KAT2B: variants seen among roughly 807,000 people sequenced by gnomAD.
KAT2B encodes histone acetyltransferase KAT2B.
In KAT2B, 36 loss-of-function variants were observed where a neutral mutation model predicts 105.9. The ratio of observed to expected loss-of-function variants is 0.34; its 90% CI spans 0.26 to 0.45. The LOEUF is 0.45. Among genes scored for constraint, KAT2B ranks in the 20% least tolerant of loss-of-function variants. The pLI is 1.00. For missense variants in KAT2B, 820 were observed against 1,021.6 expected (o/e 0.80, Z 2.69); for synonymous variants, 397 against 377.9 (o/e 1.05, Z -0.59).
At chr3:20,151,614 A>G (rs146376210) in intron 17 of KAT2B, among the ~76,000 whole-genome samples, 1 of 152,312 alleles carries the variant, frequency 6.6e-6, no homozygotes, top group African/African-American at 2.4e-5. Context: ...AGGATTGAAG[A>G]AACCCTACTT....
intron 1 of KAT2B, among the ~76,000 whole-genome samples, chr3:20,067,316 C>G (rs1240928017): frequency 6.6e-6 from 1 of 151,926 alleles, no homozygotes; most frequent in Non-Finnish European, 1.5e-5. Context: ...GGTTAATATT[C>G]AAGATGTAAC....
chr3:20,102,536 C>G (rs1698929049), intron 5 of KAT2B, among the ~76,000 whole-genome samples: 1 of 152,138 alleles, frequency 6.6e-6, no homozygotes, highest in South Asian at 2.1e-4. Context: ...CACAATTTAC[C>G]TAACCATTTC....
chr3:20,148,327 C>A (rs1699813177), intron 16 of KAT2B, 21 bp downstream of exon 16: 1 of 1,611,656 alleles, frequency 6.2e-7, no homozygotes, highest in Non-Finnish European at 8.5e-7. Flanking sequence ...TCTTTATTCA[C>A]CTCATGCAAA....
chr3:20,067,597 G>A (rs542285881), intron 1 of KAT2B, among the ~76,000 whole-genome samples: 164 of 152,178 alleles, frequency 1.1e-3, no homozygotes, highest in Non-Finnish European at 2.1e-3. Flanking sequence ...TGCATCTCAG[G>A]GCAAGGCAGA....
At chr3:20,073,121 A>T (rs60355368) in intron 2 of KAT2B, among the ~76,000 whole-genome samples, 9,105 of 152,208 alleles carry the variant, frequency 0.06, 312 homozygotes, top group Non-Finnish European at 0.076. Context: ...TAAAATATTT[A>T]AAAAAATCAT....
chr3:20,102,008 T>C (rs574326163), intron 5 of KAT2B, among the ~76,000 whole-genome samples: 26 of 152,218 alleles, frequency 1.7e-4, no homozygotes, highest in African/African-American at 6.3e-4. Context: ...GCAATGACCA[T>C]ATAATGAAGT....
intron 12 of KAT2B, among the ~76,000 whole-genome samples, chr3:20,139,408 C>T (rs1380530460): frequency 6.6e-6 from 1 of 152,116 alleles, no homozygotes; most frequent in Admixed American, 6.6e-5. Flanking sequence ...TCAGCTGTAA[C>T]TGTAGTGCAA....
In KAT2B at chr3:20,072,553, G is replaced by T. The variant is rs1243341707; in HGVS notation, c.430+94G>T. 6 of 1,157,282 alleles carry T rather than the reference G, an allele frequency of 5.2e-6. No individual in the cohort carries two copies. In the Admixed American group the frequency reaches 8.7e-5, roughly 17 times the overall value. 71.7% of individuals were successfully genotyped at this position (1,157,282 alleles called of 1,614,324 possible). A position where few individuals can be genotyped will look rare whatever the true frequency, so the allele number is the denominator to read the frequency against. On this transcript the variant is annotated intron_variant, in intron 2 of 17. Coordinates refer to ENST00000263754, the MANE Select transcript of KAT2B (RefSeq NM_003884.5). ...TTCTGTGGGTTCACCAAATTTGAAT[G>T]CTGTGTACCTCTGTATGAGAGCAAC...
chr3:20,110,860 C>A (rs950445980), intron 5 of KAT2B, among the ~76,000 whole-genome samples: 32 of 152,068 alleles, frequency 2.1e-4, no homozygotes, highest in Non-Finnish European at 5.9e-5. Context: ...GGGTCCTCCT[C>A]CAGCGTCGTG....
intron 4 of KAT2B, 189 bp from the exon 5 acceptor site, chr3:20,101,098 T>C (rs1486688095): frequency 1.8e-6 from 1 of 558,878 alleles, no homozygotes; most frequent in Admixed American, 3.2e-5. Context: ...TCACTTTTCA[T>C]CCACCGTGAT....
At chr3:20,095,207 G>T in intron 2 of KAT2B, 56 bp from the exon 3 acceptor site, 1 of 1,439,736 alleles carries the variant, frequency 6.9e-7, no homozygotes, top group Admixed American at 1.9e-5. Context: ...TTAAAAATGG[G>T]GAATGTTTGG....
At chr3:20,135,388 C>G (rs1391725551) in intron 11 of KAT2B, among the ~76,000 whole-genome samples, 1 of 152,114 alleles carries the variant, frequency 6.6e-6, no homozygotes, top group African/African-American at 2.4e-5. Flanking sequence ...GGCGCGGTGG[C>G]TCACGCCTGT....
intron 11 of KAT2B, among the ~76,000 whole-genome samples, chr3:20,129,007 C>G (rs1413250427): frequency 1.7e-5 from 1 of 57,284 alleles, no homozygotes; most frequent in Non-Finnish European, 3.0e-5. Context: ...AACTCCATCT[C>G]AAAAAAAAAA....
intron 1 of KAT2B, 60 bp downstream of exon 1, chr3:20,040,840 C>G: frequency 6.8e-7 from 1 of 1,478,940 alleles, no homozygotes; most frequent in Non-Finnish European, 8.9e-7. Context: ...CGCGGGACCC[C>G]CCTCCCCCTC....
chr3:20,084,237 C>T lies in KAT2B; in HGVS notation c.431-11026C>T, dbSNP rs1355282564. On this transcript the variant is annotated intron_variant, in intron 2 of 17. Coordinates refer to ENST00000263754, the MANE Select transcript of KAT2B (RefSeq NM_003884.5). The stretch of plus-strand genomic sequence containing the variant: ...ATAACAACTTGTCTGGACCTTTTTC[C>T]ACCCTTCTCCAGCAGACTGTCCACT... Among the ~76,000 whole-genome samples, 5 of 152,090 alleles carry T rather than the reference C, an allele frequency of 3.3e-5. No individual in the cohort carries two copies. The East Asian group carries it at 7.7e-4, about 23-fold the overall frequency.
rs140440561 is a variant in KAT2B at position 20,042,542 on chromosome 3, A to G, written c.303+1762A>G. Among the ~76,000 whole-genome samples, 6 of 152,332 alleles carry G rather than the reference A, an allele frequency of 3.9e-5. No homozygotes were observed. In the East Asian group the frequency reaches 5.8e-4, roughly 15 times the overall value. ...AACACCACCTGTTCCACAAAAACCT[A>G]TGAAAAAAAAGAGCAAGGTCAATTA... On this transcript the variant is annotated intron_variant, in intron 1 of 17. Coordinates refer to ENST00000263754, the MANE Select transcript of KAT2B (RefSeq NM_003884.5).
At chr3:20,062,308 AAT>A (rs1559514585) in intron 1 of KAT2B, among the ~76,000 whole-genome samples, 4 of 63,272 alleles carry the variant, frequency 6.3e-5, no homozygotes, top group African/African-American at 1.1e-4. Context: ...TATAAAATAT[AAT>A]ATATATAAAA....
intron 1 of KAT2B, among the ~76,000 whole-genome samples, chr3:20,046,837 T>A (rs1697820024): frequency 6.6e-6 from 1 of 152,262 alleles, no homozygotes; most frequent in East Asian, 1.9e-4. Context: ...CAAGGGACAT[T>A]TGACAATGTC....
intron 3 of KAT2B, among the ~76,000 whole-genome samples, chr3:20,098,429 C>G (rs890852073): frequency 6.6e-6 from 1 of 152,144 alleles, no homozygotes; most frequent in African/African-American, 2.4e-5. Flanking sequence ...GCACCTACCT[C>G]AAAAGGTTGT....
Sources: allele counts gnomAD v4.1 joint callset (sites outside exome capture counted in the v4.1 genomes callset), GRCh38; gene constraint gnomAD v4.1.1; transcripts MANE v1.5; gene names NCBI Gene and HGNC (gene_info 2026-07-23, HGNC 2026-07-21).